SLC2A13: variants seen among roughly 807,000 people sequenced by gnomAD.
SLC2A13 encodes solute carrier family 2 member 13.
A neutral mutation model predicts 64.4 loss-of-function variants in SLC2A13; 32 were observed. That is an observed-to-expected ratio of 0.50 (90% CI 0.37 to 0.67). The LOEUF is 0.67. Among genes scored for constraint, SLC2A13 ranks in the 30% least tolerant of loss-of-function variants. The pLI, the probability that SLC2A13 is intolerant of heterozygous loss-of-function variation, is 0.00. For synonymous variants in SLC2A13, 338 were observed against 327.1 expected (o/e 1.03, Z -0.36); for missense variants, 743 against 829.2 (o/e 0.90, Z 1.28).
At chr12:40,085,966 G>A (rs1361362615) in intron 1 of SLC2A13, among the ~76,000 whole-genome samples, 4 of 151,940 alleles carry the variant, frequency 2.6e-5, no homozygotes, top group Non-Finnish European at 5.9e-5. Flanking sequence ...CCTCCACCAA[G>A]TAGCTGGGAT....
At chr12:40,075,346 T>C (rs1442525019) in intron 1 of SLC2A13, among the ~76,000 whole-genome samples, 2 of 152,220 alleles carry the variant, frequency 1.3e-5, no homozygotes, top group African/African-American at 4.8e-5. Context: ...GAAGACTTTG[T>C]TAATTGGTTA....
At chr12:39,954,042 T>C (rs887866731) in intron 3 of SLC2A13, among the ~76,000 whole-genome samples, 1 of 152,228 alleles carries the variant, frequency 6.6e-6, no homozygotes, top group African/African-American at 2.4e-5. Flanking sequence ...GACAGAATAA[T>C]GGCTATCAGC....
chr12:40,075,325 T>C (rs946924528), intron 1 of SLC2A13, among the ~76,000 whole-genome samples: 6 of 152,180 alleles, frequency 3.9e-5, no homozygotes, highest in Non-Finnish European at 8.8e-5. Flanking sequence ...ATACAAGCAA[T>C]GTTTCCCATG....
chr12:39,962,273 TAG>T (rs576274900), intron 3 of SLC2A13, among the ~76,000 whole-genome samples: 65 of 152,106 alleles, frequency 4.3e-4, no homozygotes, highest in Admixed American at 3.7e-3. Flanking sequence ...GTATTTTTAG[TAG>T]AGACAGGGTT....
At chr12:40,093,507 T>C (rs937113541) in intron 1 of SLC2A13, among the ~76,000 whole-genome samples, 8 of 152,174 alleles carry the variant, frequency 5.3e-5, no homozygotes, top group African/African-American at 1.9e-4. Flanking sequence ...AAACAATCAG[T>C]AAGTAACACA....
chr12:39,880,656 A>G (rs1316998652), intron 4 of SLC2A13, among the ~76,000 whole-genome samples: 3 of 152,220 alleles, frequency 2.0e-5, no homozygotes, highest in Non-Finnish European at 4.4e-5. Flanking sequence ...TTTTGGAAGA[A>G]CAAAGAAGAA....
In SLC2A13 at chr12:39,830,250, C is replaced by T. The variant is rs202170463; in HGVS notation, c.1320-22G>A. ...GTAACTGAAAAATGAAAAGAGTTAC[C>T]GTCATGTTGGCAGAGACAACTGGTG... On this transcript the variant is annotated intron_variant, in intron 6 of 9. Coordinates refer to ENST00000280871, the MANE Select transcript of SLC2A13 (RefSeq NM_052885.4). The T allele has an allele frequency of 3.3e-4, 538 of 1,607,256 alleles. 2 individuals carry two copies. The highest frequency in any genetic ancestry group is 2.5e-3 in the Middle Eastern group (15 of 6,008).
intron 2 of SLC2A13, among the ~76,000 whole-genome samples, chr12:40,044,994 T>G (rs1948149820): frequency 6.6e-6 from 1 of 152,214 alleles, no homozygotes; most frequent in African/African-American, 2.4e-5. Context: ...AATATTTAAC[T>G]TCTCTAAGCA....
At chr12:39,766,866 C>A (rs1247607075) in intron 7 of SLC2A13, among the ~76,000 whole-genome samples, 1 of 152,082 alleles carries the variant, frequency 6.6e-6, no homozygotes, top group Non-Finnish European at 1.5e-5. Context: ...GGCTTCGCTT[C>A]TACAATAGTT....
At chr12:39,951,057 A>G in intron 4 of SLC2A13, 200 bp downstream of exon 4, 1 of 453,732 alleles carries the variant, frequency 2.2e-6, no homozygotes. Flanking sequence ...TCATATAACA[A>G]ACAAAATAAA....
At position 39,919,239 on chromosome 12, in the gene SLC2A13, A is replaced by G. The variant is rs534669194; in HGVS notation, c.1034+32018T>C. ...CCACTGTGCTCGGCCGATTATAAAT[A>G]TTGTAGCATGAAAGAATATAAACTG... On this transcript the variant is annotated intron_variant, in intron 4 of 9. Transcript: ENST00000280871. 5.3e-5 allele frequency among the ~76,000 whole-genome samples: 8 copies of G among 152,232 alleles called. No individual in the cohort carries two copies. The South Asian group carries it at 1.7e-3, about 32-fold the overall frequency.
rs562869758 is a variant in SLC2A13 at position 39,822,442 on chromosome 12, T to C, written c.1445+7661A>G. ...TAAATAAGGCTCTTTAACCATCTGA[T>C]CTAAACTCATATTTACTGTATTGGC... On this transcript the variant is annotated intron_variant, in intron 7 of 9. Transcript: ENST00000280871. Among the ~76,000 whole-genome samples, 5 of 152,178 alleles carry C rather than the reference T, an allele frequency of 3.3e-5. No homozygotes were observed. The South Asian group carries it at 1.0e-3, about 31-fold the overall frequency.
At chr12:40,097,174 T>G (rs1039650802) in intron 1 of SLC2A13, among the ~76,000 whole-genome samples, 4 of 152,216 alleles carry the variant, frequency 2.6e-5, no homozygotes, top group African/African-American at 9.6e-5. Context: ...ATAATGCCTC[T>G]GTTAAGCTGC....
chr12:39,865,461 T>A (rs920602917), intron 5 of SLC2A13, among the ~76,000 whole-genome samples: 3 of 152,238 alleles, frequency 2.0e-5, no homozygotes, highest in African/African-American at 7.2e-5. Context: ...ATATTCTTTT[T>A]TCTTTCCTGT....
At chr12:39,933,089 C>T (rs984835732) in intron 4 of SLC2A13, among the ~76,000 whole-genome samples, 4 of 151,970 alleles carry the variant, frequency 2.6e-5, no homozygotes, top group Non-Finnish European at 5.9e-5. Flanking sequence ...ATTAGCCAGT[C>T]GTGGGGGCAT....
At chr12:39,988,894 T>C (rs2136163473) in intron 3 of SLC2A13, among the ~76,000 whole-genome samples, 1 of 152,304 alleles carries the variant, frequency 6.6e-6, no homozygotes, top group South Asian at 2.1e-4. Context: ...TTGTTAACTC[T>C]ATACGTCGCC....
intron 6 of SLC2A13, among the ~76,000 whole-genome samples, chr12:39,861,515 G>T (rs867050794): frequency 1.3e-5 from 2 of 152,032 alleles, no homozygotes; most frequent in Non-Finnish European, 2.9e-5. Context: ...ATAATAATAC[G>T]TCAAGTATTT....
At chr12:39,760,340 C>G (rs1258957774) in intron 9 of SLC2A13, 88 bp from the exon 10 acceptor site, 2 of 1,241,720 alleles carry the variant, frequency 1.6e-6, no homozygotes, top group African/African-American at 3.0e-5. Flanking sequence ...CTTTTTTTTT[C>G]TGGTCAGTCA....
chr12:39,854,333 G>C (rs114872341), intron 6 of SLC2A13, among the ~76,000 whole-genome samples: 3 of 152,074 alleles, frequency 2.0e-5, no homozygotes, highest in African/African-American at 7.2e-5. Flanking sequence ...CTTGAATATT[G>C]TAAGAGCTTA....
Sources: gnomAD v4.1 joint callset for allele counts (sites outside exome capture counted in the v4.1 genomes callset) on GRCh38, gnomAD v4.1.1 for gene constraint, MANE v1.5 for transcripts, NCBI Gene and HGNC (gene_info 2026-07-23, HGNC 2026-07-21) for gene names.